Variants in RANBP17 observed in about 807,000 individuals in gnomAD.
The protein encoded by RANBP17 is RAN binding protein 17.
In RANBP17, 158 loss-of-function variants were observed where a neutral mutation model predicts 141.2. The observed-to-expected ratio is 1.12, with a 90% CI of 0.98 to 1.28. RANBP17 has a LOEUF of 1.28. RANBP17 is among the 50% of genes most tolerant of loss of function. The probability of loss-of-function intolerance (pLI) is 0.00; values close to 1 mark genes in which losing one functional copy is unlikely to be tolerated. For missense variants in RANBP17, 1,438 were observed against 1,290.7 expected, an observed-to-expected ratio of 1.11 and a Z score of -1.75; for synonymous variants, 430 against 450.0, an observed-to-expected ratio of 0.96 and a Z score of 0.56.
At chr5:171,057,210 T>G (rs1471171240) in intron 14 of RANBP17, among the ~76,000 whole-genome samples, 2 of 152,178 alleles carry the variant, frequency 1.3e-5, no homozygotes, top group Admixed American at 1.3e-4. Context: ...ACTTTAACTT[T>G]AGCCAATATG....
chr5:171,241,167 T>G, intron 23 of RANBP17, 25 bp downstream of exon 23: 1 of 1,557,364 alleles, frequency 6.4e-7, no homozygotes, highest in South Asian at 1.1e-5. Context: ...ATCATGGGAG[T>G]GTTTGTATGA....
intron 3 of RANBP17, among the ~76,000 whole-genome samples, chr5:170,885,963 G>T (rs1369927209): frequency 1.3e-5 from 2 of 151,274 alleles, no homozygotes; most frequent in African/African-American, 4.9e-5. Context: ...ACAACATCTG[G>T]ACAGAGCTTC....
At position 170,927,933 on chromosome 5, in the gene RANBP17, G is replaced by A. The variant is rs536055234; in HGVS notation, c.1468+3383G>A. ...ATATGGTAAATGTATGTTTAATGTT[G>A]TAAGATACTACTAAACAGTTTTATG... On this transcript the variant is annotated intron_variant, in intron 12 of 27. Coordinates refer to ENST00000523189, the MANE Select transcript of RANBP17 (RefSeq NM_022897.5). Among the ~76,000 whole-genome samples, 22 of 152,074 alleles carry A rather than the reference G, an allele frequency of 1.4e-4. No individual in the cohort carries two copies. The East Asian group carries it at 3.5e-3, about 24-fold the overall frequency.
chr5:171,223,301 A>T (rs980012869), intron 22 of RANBP17, among the ~76,000 whole-genome samples: 2 of 152,192 alleles, frequency 1.3e-5, no homozygotes, highest in Admixed American at 6.5e-5. Context: ...CTACATTGCC[A>T]CAACTTTTGT....
At chr5:171,000,279 G>T (rs1779111569) in intron 14 of RANBP17, among the ~76,000 whole-genome samples, 1 of 152,052 alleles carries the variant, frequency 6.6e-6, no homozygotes. Flanking sequence ...GTAATTTTGT[G>T]TTTATTTTTT....
intron 14 of RANBP17, among the ~76,000 whole-genome samples, chr5:171,042,272 G>C (rs1308503462): frequency 6.6e-6 from 1 of 151,924 alleles, no homozygotes; most frequent in African/African-American, 2.4e-5. Flanking sequence ...CTATCATGTA[G>C]TTAGGATAGG....
chr5:171,175,206 G>T (rs1054292893), intron 16 of RANBP17, among the ~76,000 whole-genome samples: 1 of 152,144 alleles, frequency 6.6e-6, no homozygotes, highest in Non-Finnish European at 1.5e-5. Context: ...TCATTGATGG[G>T]CATTTGGGTT....
At chr5:170,938,004 A>G (rs973715471) in intron 12 of RANBP17, among the ~76,000 whole-genome samples, 6 of 151,906 alleles carry the variant, frequency 3.9e-5, no homozygotes, top group African/African-American at 1.4e-4. Context: ...TTAGGTTTTT[A>G]TTTTTCTTCC....
intron 14 of RANBP17, among the ~76,000 whole-genome samples, chr5:170,993,219 C>T (rs1322044142): frequency 6.6e-6 from 1 of 151,920 alleles, no homozygotes; most frequent in Admixed American, 6.6e-5. Context: ...TCTGTGTTCT[C>T]CTGTTCCAAT....
At chr5:170,906,014 G>C (rs2127412445) in intron 5 of RANBP17, among the ~76,000 whole-genome samples, 1 of 152,184 alleles carries the variant, frequency 6.6e-6, no homozygotes, top group South Asian at 2.1e-4. Context: ...ACAGTAAAGA[G>C]AAGTTTTTTC....
intron 14 of RANBP17, among the ~76,000 whole-genome samples, chr5:171,136,198 A>G (rs557066601): frequency 2.6e-4 from 40 of 152,230 alleles, no homozygotes; most frequent in African/African-American, 9.4e-4. Context: ...TTTTCCTTTT[A>G]ATTTGTATAA....
intron 13 of RANBP17, among the ~76,000 whole-genome samples, chr5:170,958,408 G>A (rs1168551899): frequency 6.6e-6 from 1 of 151,904 alleles, no homozygotes; most frequent in African/African-American, 2.4e-5. Flanking sequence ...CTGAAGCCAG[G>A]GGTGAGGTGA....
At chr5:171,018,838 C>T (rs10462899) in intron 14 of RANBP17, among the ~76,000 whole-genome samples, 115,054 of 152,120 alleles carry the variant, frequency 0.76, 43,706 homozygotes, top group South Asian at 0.91. Context: ...TTGTGCCAGT[C>T]TTCAAAGGGA....
At chr5:171,119,272 C>G (rs1283447891) in intron 14 of RANBP17, among the ~76,000 whole-genome samples, 2 of 152,072 alleles carry the variant, frequency 1.3e-5, no homozygotes, top group African/African-American at 4.8e-5. Context: ...CTATTTGATT[C>G]AGTTTGCTAG....
At chr5:170,936,978 G>A (rs1305111717) in intron 12 of RANBP17, among the ~76,000 whole-genome samples, 1 of 152,048 alleles carries the variant, frequency 6.6e-6, no homozygotes, top group Non-Finnish European at 1.5e-5. Context: ...TACTATTTAT[G>A]TAGTATATCT....
intron 14 of RANBP17, among the ~76,000 whole-genome samples, chr5:171,114,932 A>C (rs931996640): frequency 6.6e-6 from 1 of 151,846 alleles, no homozygotes; most frequent in African/African-American, 2.4e-5. Context: ...ATGGCAATTT[A>C]GTGAAACCCT....
At chr5:170,974,861 G>A (rs1392051061) in intron 14 of RANBP17, among the ~76,000 whole-genome samples, 1 of 152,150 alleles carries the variant, frequency 6.6e-6, no homozygotes, top group Non-Finnish European at 1.5e-5. Flanking sequence ...GAGAATGTGG[G>A]GAGTGGAGTA....
At chr5:171,112,704 G>A (rs1419599281) in intron 14 of RANBP17, among the ~76,000 whole-genome samples, 1 of 151,778 alleles carries the variant, frequency 6.6e-6, no homozygotes, top group Non-Finnish European at 1.5e-5. Context: ...ACAATGACCT[G>A]CTTGCAGCAT....
intron 18 of RANBP17, among the ~76,000 whole-genome samples, chr5:171,192,960 T>A (rs1761745662): frequency 6.6e-6 from 1 of 152,218 alleles, no homozygotes; most frequent in Non-Finnish European, 1.5e-5. Context: ...GTTAAGCACA[T>A]TTCTCAAAGT....
Sources: allele counts gnomAD v4.1 joint callset (sites outside exome capture counted in the v4.1 genomes callset), GRCh38; gene constraint gnomAD v4.1.1; transcripts MANE v1.5; gene names NCBI Gene and HGNC (gene_info 2026-07-23, HGNC 2026-07-21).